The following PKN2 variants were observed in gnomAD, a reference collection of about 807,000 sequenced individuals.
PKN2 encodes serine/threonine-protein kinase N2.
Under a neutral mutation model 119.1 loss-of-function variants are expected in PKN2, and 38 were observed. That is an observed-to-expected ratio of 0.32 (90% confidence interval 0.25 to 0.42). The LOEUF (loss-of-function observed/expected upper bound fraction) is 0.42. Ranked by LOEUF, PKN2 falls within the 10% of genes least tolerant of loss-of-function variation. The pLI is 1.00. For synonymous variants in PKN2, 390 were observed against 384.9 expected (o/e 1.01, Z -0.15); for missense variants, 850 against 1,165.1 (o/e 0.73, Z 3.94).
intron 1 of PKN2, among the ~76,000 whole-genome samples, chr1:88,738,491 C>G (rs1668444472): frequency 6.6e-6 from 1 of 152,074 alleles, no homozygotes; most frequent in Non-Finnish European, 1.5e-5. Flanking sequence ...AGTGGCTGAG[C>G]CAAGAGAGAT....
intron 2 of PKN2, among the ~76,000 whole-genome samples, chr1:88,748,483 A>G (rs998506625): frequency 1.3e-5 from 2 of 152,198 alleles, no homozygotes; most frequent in East Asian, 1.9e-4. Flanking sequence ...TTATCCATTC[A>G]CAAAGAACGT....
intron 8 of PKN2, among the ~76,000 whole-genome samples, chr1:88,799,864 T>G (rs985715777): frequency 2.6e-5 from 4 of 152,228 alleles, no homozygotes; most frequent in African/African-American, 9.6e-5. Context: ...ACTCTTTCAG[T>G]GTACTATCTG....
chr1:88,823,559 C>G (rs1672376606), intron 17 of PKN2, among the ~76,000 whole-genome samples: 1 of 151,416 alleles, frequency 6.6e-6, no homozygotes, highest in Non-Finnish European at 1.5e-5. Flanking sequence ...AAAAAATTAG[C>G]CAGGCTTGGT....
At chr1:88,741,395 A>C (rs760454128) in intron 2 of PKN2, 107 bp downstream of exon 2, 1 of 676,562 alleles carries the variant, frequency 1.5e-6, no homozygotes, top group Non-Finnish European at 2.3e-6. Flanking sequence ...GCTTTTCTGA[A>C]AGTAGAGAGA....
At chr1:88,713,008 A>T (rs570060878) in intron 1 of PKN2, among the ~76,000 whole-genome samples, 6 of 151,970 alleles carry the variant, frequency 3.9e-5, no homozygotes, top group Non-Finnish European at 1.5e-5. Flanking sequence ...CCCACCTATG[A>T]GTGAGAACAT....
intron 1 of PKN2, among the ~76,000 whole-genome samples, chr1:88,687,633 G>A (rs1666156604): frequency 1.3e-5 from 2 of 152,116 alleles, no homozygotes; most frequent in Admixed American, 6.5e-5. Context: ...TCATCAAAAT[G>A]CCCAATAAAG....
chr1:88,771,710 G>C lies in PKN2; in HGVS notation c.816G>C (p.Lys272Asn). 3.1e-6 allele frequency: 5 copies of C among 1,613,984 alleles called. No individual in the cohort carries two copies. The highest frequency in any genetic ancestry group is 4.2e-6 in the Non-Finnish European group (5 of 1,179,946). Residue 272 changes from lysine to asparagine, a missense_variant, in exon 6 of 22, where the codon AAG becomes AAC. Lys to Asn is a moderately conservative substitution (Grantham distance 94). This residue lies in a region of PKN2 where 350 missense variants were observed against 511.1 expected (regional missense o/e 0.68). Coordinates refer to ENST00000370521, the MANE Select transcript of PKN2 (RefSeq NM_006256.4). ...NESSQKLDLL[K>N]YSLEQRLNEV... ...CAAGTCAGAAGTTGGACCTTTTAAA[G>C]TATTCATTAGAGCAAAGATTAAACG...
intron 1 of PKN2, among the ~76,000 whole-genome samples, chr1:88,728,990 GTT>G (rs1668016009): frequency 6.6e-6 from 1 of 151,536 alleles, no homozygotes; most frequent in Non-Finnish European, 1.5e-5. Context: ...TGCCTCCTGG[GTT>G]CAAGCGATTC....
chr1:88,836,070 A>G lies in PKN2; in HGVS notation c.*2622A>G, dbSNP rs1237650423. ...CATATTTATGGACTGCTTACTGTGTATAGATACTGAGAATAGGAAGTTTTT... is the reference window on the plus strand; with the variant it reads ...CATATTTATGGACTGCTTACTGTGTGTAGATACTGAGAATAGGAAGTTTTT... On this transcript the variant is annotated 3_prime_UTR_variant, in exon 22 of 22. Transcript: ENST00000370521. 6.6e-6 allele frequency: 1 copy of G among 152,096 alleles called. No homozygotes were observed. Among genetic ancestry groups the G allele is most frequent in the Non-Finnish European group, 1.5e-5 (1 of 67,982 alleles). The allele number at this position is 152,096 out of a possible 1,614,324, so 9.4% of individuals were successfully genotyped here.
At chr1:88,691,859 C>T (rs1161215758) in intron 1 of PKN2, among the ~76,000 whole-genome samples, 1 of 152,170 alleles carries the variant, frequency 6.6e-6, no homozygotes, top group Non-Finnish European at 1.5e-5. Context: ...ACTGTAATTA[C>T]AGTATAGTTA....
chr1:88,692,595 C>T lies in PKN2; in HGVS notation c.48+7967C>T, dbSNP rs562502831. Among the ~76,000 whole-genome samples the T allele has an allele frequency of 2.7e-3, 416 of 152,214 alleles. 1 individual carries two copies. Among genetic ancestry groups the T allele is most frequent in the Non-Finnish European group, 4.2e-3 (288 of 67,996 alleles). On this transcript the variant is annotated intron_variant, in intron 1 of 21. Coordinates refer to ENST00000370521, the MANE Select transcript of PKN2 (RefSeq NM_006256.4). ...ATGTTGCCTTATTGTGGTCTTGATG[C>T]GCATTTTCCTGGTTATCACTGATGT... is the stretch of plus-strand genomic sequence containing the variant.
rs747474081 is a variant in PKN2, at chr1:88,745,970, C to T, written c.349+4682C>T. Among the ~76,000 whole-genome samples the T allele has an allele frequency of 1.7e-4, 26 of 152,208 alleles. No individual in the cohort carries two copies. The South Asian group carries it at 3.1e-3, about 18-fold the overall frequency. On this transcript the variant is annotated intron_variant, in intron 2 of 21. Coordinates refer to ENST00000370521, the MANE Select transcript of PKN2 (RefSeq NM_006256.4). The stretch of plus-strand genomic sequence containing the variant: ...TTTTGACAAAGCTGCCAAGAACACA[C>T]GGTGGGGACTGGACAGTCTTCAATA...
intron 15 of PKN2, among the ~76,000 whole-genome samples, chr1:88,808,564 A>G (rs1250883439): frequency 2.6e-5 from 4 of 152,164 alleles, no homozygotes. Context: ...TTGGCCTCCC[A>G]AAGTGCTGGG....
intron 1 of PKN2, among the ~76,000 whole-genome samples, chr1:88,691,442 G>A (rs955352576): frequency 6.6e-6 from 1 of 152,060 alleles, no homozygotes; most frequent in Non-Finnish European, 1.5e-5. Flanking sequence ...TCTTTAAGGA[G>A]GTGTTTGTTC....
chr1:88,689,285 T>C (rs531721960), intron 1 of PKN2, among the ~76,000 whole-genome samples: 2 of 152,356 alleles, frequency 1.3e-5, no homozygotes, highest in Admixed American at 1.3e-4. Context: ...TGACAGACTT[T>C]TTCCACCTAA....
intron 1 of PKN2, among the ~76,000 whole-genome samples, chr1:88,719,440 G>T (rs1294507707): frequency 6.6e-6 from 1 of 151,916 alleles, no homozygotes; most frequent in Non-Finnish European, 1.5e-5. Context: ...TCCCTCCCTT[G>T]TTCTGTCTCT....
chr1:88,705,795 T>G (rs1666976467), intron 1 of PKN2, among the ~76,000 whole-genome samples: 1 of 152,164 alleles, frequency 6.6e-6, no homozygotes, highest in Non-Finnish European at 1.5e-5. Flanking sequence ...ATTTCTGCTC[T>G]CTCCTGATCC....
At chr1:88,777,433 C>T (rs1670151719) in intron 6 of PKN2, among the ~76,000 whole-genome samples, 2 of 152,096 alleles carry the variant, frequency 1.3e-5, no homozygotes, top group Admixed American at 1.3e-4. Flanking sequence ...TGTGAACTGA[C>T]CGTATTCTGT....
Position 88,793,151 on chromosome 1 carries a change from GA to G in PKN2, c.1281+6939del, listed in dbSNP as rs561235912. ...CAGTTATGATTTAATATTGCATCTT[GA>G]TGTTTGTTTATATTTCTCTTGACTA... On this transcript the variant is annotated intron_variant, in intron 8 of 21. Coordinates refer to ENST00000370521, the MANE Select transcript of PKN2 (RefSeq NM_006256.4). 3.3e-5 allele frequency among the ~76,000 whole-genome samples: 5 copies of G among 152,236 alleles called. 1 individual carries two copies. In the South Asian group the frequency reaches 1.0e-3, roughly 32 times the overall value.
Sources: gnomAD v4.1 joint callset for allele counts (sites outside exome capture counted in the v4.1 genomes callset) on GRCh38, gnomAD v4.1.1 for gene constraint, gnomAD v4.1.1 regional missense constraint, MANE v1.5 for transcripts, NCBI Gene and HGNC (gene_info 2026-07-23, HGNC 2026-07-21) for gene names.